Variants in TANGO6 observed in about 807,000 individuals in gnomAD.
TANGO6 encodes transport and golgi organization 6 homolog.
A neutral mutation model predicts 114.2 loss-of-function variants in TANGO6; 90 were observed. That is an observed-to-expected ratio of 0.79 (90% CI 0.66 to 0.94). The LOEUF is 0.94. Ranked by LOEUF, TANGO6 falls within the 40% of genes least tolerant of loss-of-function variation. TANGO6 has a pLI of 0.00. For missense variants in TANGO6, 1,274 were observed against 1,315.3 expected, an observed-to-expected ratio of 0.97 and a Z score of 0.49; for synonymous variants, 477 against 509.8, an observed-to-expected ratio of 0.94 and a Z score of 0.87.
Position 68,875,232 on chromosome 16 carries a change from C to T in TANGO6, c.1073C>T (p.Ala358Val), listed in dbSNP as rs928115514. Residue 358 changes from alanine (A) to valine (V), a missense_variant, in exon 5 of 18, where the codon GCC becomes GTC. Physicochemically the swap from Ala to Val is moderately conservative, Grantham distance 64. Transcript: ENST00000261778. Reference protein sequence around the residue: ...KKCDLIAKILASCPQQSLSPE... With the variant: ...KKCDLIAKILVSCPQQSLSPE... Reference sequence around the variant, plus strand: ...TGTGACCTGATCGCAAAGATTTTGGCCTCTTGTCCCCAGCAGTCTCTTTCA... The same window carrying T: ...TGTGACCTGATCGCAAAGATTTTGGTCTCTTGTCCCCAGCAGTCTCTTTCA... 1.2e-6 allele frequency: 2 copies of T among 1,613,712 alleles called. No individual in the cohort carries two copies. Among genetic ancestry groups the T allele is most frequent in the Admixed American group, 3.3e-5 (2 of 60,000 alleles).
At chr16:68,945,439 TA>T (rs1370759915) in intron 14 of TANGO6, among the ~76,000 whole-genome samples, 1 of 152,178 alleles carries the variant, frequency 6.6e-6, no homozygotes, top group African/African-American at 2.4e-5. Flanking sequence ...TGTAGGGAAT[TA>T]TACTTTTGGG....
rs143061953 is a variant in TANGO6, at chr16:68,980,383, T to TTCTCTCTCTCTCTCTCTC, written c.2842+6225_2842+6242dup. 6.2e-3 allele frequency among the ~76,000 whole-genome samples: 229 copies of TTCTCTCTCTCTCTCTCTC among 36,656 alleles called. 5 individuals are homozygous for TTCTCTCTCTCTCTCTCTC. The highest frequency in any genetic ancestry group is 0.015 in the Middle Eastern group (1 of 66). The allele number at this position is 36,656 out of a possible 152,430, so 24.0% of individuals were successfully genotyped here. On this transcript the variant is annotated intron_variant, in intron 15 of 17. Coordinates refer to ENST00000261778, the MANE Select transcript of TANGO6 (RefSeq NM_024562.2). ...TGAGTATGAATCTATCTGTCTGTCA[T>TTCTCTCTCTCTCTCTCTC]TCTCTCTCTCTCTCTCTCTCTCTCT... is the stretch of plus-strand genomic sequence containing the variant.
chr16:68,986,648 G>A (rs899899865), intron 15 of TANGO6, among the ~76,000 whole-genome samples: 18 of 152,204 alleles, frequency 1.2e-4, no homozygotes, highest in African/African-American at 3.9e-4. Context: ...GCTCACACCT[G>A]TAATCCCAGC....
chr16:68,905,577 G>T (rs1359759227), intron 9 of TANGO6, among the ~76,000 whole-genome samples: 1 of 151,722 alleles, frequency 6.6e-6, no homozygotes. Flanking sequence ...ACACACACAG[G>T]TGTATATATA....
At chr16:68,934,968 G>A (rs1013123519) in intron 14 of TANGO6, among the ~76,000 whole-genome samples, 1 of 152,210 alleles carries the variant, frequency 6.6e-6, no homozygotes, top group African/African-American at 2.4e-5. Flanking sequence ...TGAAGAACAT[G>A]AGGGGTAGAG....
At chr16:68,967,718 C>T (rs141943894) in intron 14 of TANGO6, among the ~76,000 whole-genome samples, 2 of 152,084 alleles carry the variant, frequency 1.3e-5, no homozygotes, top group Non-Finnish European at 2.9e-5. Context: ...GGTGGTTTTC[C>T]GGGTTGCTGT....
rs780596628 is a variant in TANGO6, at chr16:69,085,032, T to C, written c.*1371T>C. 2 of 152,330 alleles carry C rather than the reference T, an allele frequency of 1.3e-5. No individual in the cohort carries two copies. The highest frequency in any genetic ancestry group is 6.5e-5 in the Admixed American group (1 of 15,280). 9.4% of individuals were successfully genotyped at this position (152,330 alleles called of 1,614,324 possible). ...TCTAGCTAGGTGTGTTTAAGGAATATTTCCATTCAGCTAGTGTAGCTGGAT... is the reference window on the plus strand; with the variant it reads ...TCTAGCTAGGTGTGTTTAAGGAATACTTCCATTCAGCTAGTGTAGCTGGAT... On this transcript the variant is annotated 3_prime_UTR_variant, in exon 18 of 18. Transcript: ENST00000261778.
chr16:68,940,448 G>A (rs1963341282), intron 14 of TANGO6, among the ~76,000 whole-genome samples: 1 of 152,064 alleles, frequency 6.6e-6, no homozygotes, highest in Admixed American at 6.6e-5. Context: ...GAAAAGAGGA[G>A]CATTAAGGGA....
In TANGO6 at chr16:68,984,850, A is replaced by G. The variant is rs796820083; in HGVS notation, c.2842+10682A>G. ...AAAAATATTTAAAAGTATGAAAAAGAAAATAATCACCTATAATTTCACTTT... is the reference window on the plus strand; with the variant it reads ...AAAAATATTTAAAAGTATGAAAAAGGAAATAATCACCTATAATTTCACTTT... On this transcript the variant is annotated intron_variant, in intron 15 of 17. Transcript: ENST00000261778. Among the ~76,000 whole-genome samples the G allele has an allele frequency of 5.3e-5, 8 of 152,256 alleles. 1 individual carries two copies. Among genetic ancestry groups the G allele is most frequent in the African/African-American group, 1.9e-4 (8 of 41,570 alleles).
intron 12 of TANGO6, 100 bp from the exon 13 acceptor site, chr16:68,927,468 A>T: frequency 7.6e-7 from 1 of 1,322,088 alleles, no homozygotes; most frequent in Non-Finnish European, 1.0e-6. Flanking sequence ...GCAAGATTTG[A>T]TCCCTGCCCT....
At chr16:69,006,272 C>CT (rs1030620015) in intron 15 of TANGO6, among the ~76,000 whole-genome samples, 1 of 152,090 alleles carries the variant, frequency 6.6e-6, no homozygotes, top group Non-Finnish European at 1.5e-5. Flanking sequence ...CCTTTGGTCT[C>CT]TGAGTTTTTG....
intron 15 of TANGO6, among the ~76,000 whole-genome samples, chr16:68,977,020 T>C (rs1056552297): frequency 6.6e-6 from 1 of 152,214 alleles, no homozygotes; most frequent in African/African-American, 2.4e-5. Flanking sequence ...GTAAAACTTG[T>C]AAATTTTACT....
chr16:68,877,669 G>A (rs191201406), intron 5 of TANGO6, among the ~76,000 whole-genome samples: 3,115 of 151,516 alleles, frequency 0.021, 119 homozygotes, highest in African/African-American at 0.072. Context: ...GTGCAGTGGC[G>A]CGATCTCCGC....
At chr16:68,912,991 A>G (rs1962945598) in intron 11 of TANGO6, among the ~76,000 whole-genome samples, 1 of 151,544 alleles carries the variant, frequency 6.6e-6, no homozygotes, top group African/African-American at 2.4e-5. Flanking sequence ...GAGGCATGAA[A>G]AACACTTGAA....
chr16:68,862,896 T>C (rs1962119550), intron 2 of TANGO6, 49 bp from the exon 3 acceptor site: 1 of 1,264,766 alleles, frequency 7.9e-7, no homozygotes, highest in South Asian at 1.3e-5. Flanking sequence ...TACCTTCTAT[T>C]GTCTGCCTGG....
At chr16:68,902,049 C>CA (rs747586789) in intron 8 of TANGO6, among the ~76,000 whole-genome samples, 4,224 of 79,622 alleles carry the variant, frequency 0.053, 57 homozygotes, top group Middle Eastern at 0.073. Flanking sequence ...TTGGAATTAC[C>CA]AAAAAAAAAA....
At chr16:68,930,081 A>C (rs1450430500) in intron 13 of TANGO6, among the ~76,000 whole-genome samples, 157 bp from the exon 14 acceptor site, 2 of 152,178 alleles carry the variant, frequency 1.3e-5, no homozygotes, top group African/African-American at 4.8e-5. Context: ...AGACTTAAGC[A>C]TATATGCCAT....
intron 5 of TANGO6, 130 bp downstream of exon 5, chr16:68,875,420 T>G: frequency 8.7e-7 from 1 of 1,146,328 alleles, no homozygotes. Context: ...GTGAGGAGCC[T>G]TCTTAATAAA....
At chr16:68,892,956 C>G (rs1252018647) in intron 7 of TANGO6, among the ~76,000 whole-genome samples, 2 of 152,116 alleles carry the variant, frequency 1.3e-5, no homozygotes, top group Admixed American at 1.3e-4. Flanking sequence ...TTGGGGATCC[C>G]TAGTTGTGGA....
Sources: allele counts gnomAD v4.1 joint callset (sites outside exome capture counted in the v4.1 genomes callset), GRCh38; gene constraint gnomAD v4.1.1; transcripts MANE v1.5; gene names NCBI Gene and HGNC (gene_info 2026-07-23, HGNC 2026-07-21).